The following ACSM1 variants were observed in gnomAD, a reference collection of about 807,000 sequenced individuals.
ACSM1 encodes acyl-CoA synthetase medium chain family member 1.
A neutral mutation model predicts 75.8 loss-of-function variants in ACSM1; 79 were observed. That is an observed-to-expected ratio of 1.04 (90% CI 0.87 to 1.26). ACSM1 has a LOEUF of 1.26. ACSM1 is among the 50% of genes most tolerant of loss of function. ACSM1 has a pLI of 0.00. For synonymous variants in ACSM1, 279 were observed against 265.8 expected (o/e 1.05, Z -0.48); for missense variants, 676 against 720.1 (o/e 0.94, Z 0.70).
In ACSM1 at chr16:20,627,301, T is replaced by G; in HGVS notation, c.1315A>C (p.Thr439Pro). ...AAGTCCCCACATTCCACTTTAGCTG[T>G]CTTCTCTGGGTCACCCTGCAAAAAG... ...FMCYEGDPEK[T>P]AKVECGDFYN... Residue 439 changes from threonine to proline, a missense_variant, in exon 11 of 14, where the codon ACA (threonine) becomes CCA (proline). Coordinates refer to ENST00000520010, the MANE Select transcript of ACSM1 (RefSeq NM_001318890.3). 1 of 1,578,086 alleles carries G rather than the reference T, an allele frequency of 6.3e-7. No homozygotes were observed. Among genetic ancestry groups the G allele is most frequent in the Non-Finnish European group, 8.6e-7 (1 of 1,165,140 alleles).
chr16:20,651,042 T>A (rs2018617842), intron 7 of ACSM1, among the ~76,000 whole-genome samples: 1 of 152,230 alleles, frequency 6.6e-6, no homozygotes, highest in South Asian at 2.1e-4. Flanking sequence ...TGCATGTGTG[T>A]GCCTATTTAA....
intron 2 of ACSM1, among the ~76,000 whole-genome samples, chr16:20,688,656 GA>G (rs2079597417): frequency 6.6e-6 from 1 of 151,936 alleles, no homozygotes; most frequent in Non-Finnish European, 1.5e-5. Context: ...AGCCAACCAA[GA>G]ATTTTACATC....
intron 7 of ACSM1, among the ~76,000 whole-genome samples, chr16:20,654,628 C>T (rs1204515982): frequency 6.6e-6 from 1 of 152,174 alleles, no homozygotes. Context: ...GACATTTATG[C>T]AGCCAACAGA....
In ACSM1 at chr16:20,660,336, G is replaced by T. The variant is rs549090295; in HGVS notation, c.992+1458C>A. On this transcript the variant is annotated intron_variant, in intron 7 of 13. Coordinates refer to ENST00000520010, the MANE Select transcript of ACSM1 (RefSeq NM_001318890.3). ...TGCATCTAGCATGAGGCTCAGCCCA[G>T]CCAGCTCTTGGTGATGAGGAAAGTG... Among the ~76,000 whole-genome samples the T allele has an allele frequency of 3.3e-5, 5 of 152,308 alleles. No homozygotes were observed. In the South Asian group the frequency reaches 1.0e-3, roughly 32 times the overall value.
chr16:20,695,735 G>A (rs1213505811), intron 1 of ACSM1, among the ~76,000 whole-genome samples: 2 of 151,790 alleles, frequency 1.3e-5, no homozygotes, highest in Non-Finnish European at 2.9e-5. Flanking sequence ...TCCAAGTGTT[G>A]AGGACTGAAA....
At chr16:20,636,997 C>A in intron 9 of ACSM1, 157 bp from the exon 10 acceptor site, 1 of 681,406 alleles carries the variant, frequency 1.5e-6, no homozygotes, top group Non-Finnish European at 2.6e-6. Flanking sequence ...CTTTAAAATA[C>A]GCAAATGTGA....
intron 7 of ACSM1, among the ~76,000 whole-genome samples, chr16:20,652,224 G>A (rs2018684892): frequency 6.6e-6 from 1 of 152,024 alleles, no homozygotes; most frequent in African/African-American, 2.4e-5. Flanking sequence ...ATAAATGCTT[G>A]TAAACACACT....
rs753211361 is a variant in ACSM1, at chr16:20,685,364, TCA to T, written c.230_231del (p.Val77GlufsTer6). The T allele has an allele frequency of 3.2e-4, 510 of 1,614,174 alleles. 1 individual carries two copies. Among genetic ancestry groups the T allele is most frequent in the Admixed American group, 2.7e-3 (164 of 60,020 alleles). On this transcript the variant is annotated frameshift_variant, in exon 3 of 14. Coordinates refer to ENST00000520010, the MANE Select transcript of ACSM1 (RefSeq NM_001318890.3). LOFTEE classifies it high-confidence loss of function. ...KRGPNPAFWW[V>X]NGQGDEVKWS... ...CACTTTACTTCATCCCCTTGGCCATTCACCCACCAAAAAGCTGGATTTGGACC... is the reference window on the plus strand; with the variant it reads ...CACTTTACTTCATCCCCTTGGCCATTCCCACCAAAAAGCTGGATTTGGACC...
intron 6 of ACSM1, among the ~76,000 whole-genome samples, chr16:20,663,436 C>T (rs938842815): frequency 1.3e-5 from 2 of 152,064 alleles, no homozygotes; most frequent in African/African-American, 2.4e-5. Context: ...AGTGTTGGTC[C>T]CCTGGACCCA....
At chr16:20,675,436 AG>A (rs1365761933) in intron 4 of ACSM1, among the ~76,000 whole-genome samples, 5 of 152,122 alleles carry the variant, frequency 3.3e-5, no homozygotes, top group Non-Finnish European at 7.4e-5. Flanking sequence ...AGTCTGTGGC[AG>A]GGAAAGGCAC....
At chr16:20,659,595 A>T (rs1434081310) in intron 7 of ACSM1, among the ~76,000 whole-genome samples, 1 of 152,164 alleles carries the variant, frequency 6.6e-6, no homozygotes. Flanking sequence ...ACCCCAAAAC[A>T]TGTTTCTCCG....
In ACSM1 at chr16:20,623,354, G is replaced by C. The variant is rs1451138780; in HGVS notation, c.*132C>G. 7.0e-6 allele frequency: 5 copies of C among 718,570 alleles called. No homozygotes were observed. The Admixed American group carries it at 8.1e-5, about 12-fold the overall frequency. The allele number at this position is 718,570 out of a possible 1,614,324, so 44.5% of individuals were successfully genotyped here. On this transcript the variant is annotated 3_prime_UTR_variant, in exon 14 of 14. Coordinates refer to ENST00000520010, the MANE Select transcript of ACSM1 (RefSeq NM_001318890.3). ...TTAATTTAAAAGAAGGAAAACATTGGAATCATGGCACTCCTGATACTTTCC... is the reference window on the plus strand; with the variant it reads ...TTAATTTAAAAGAAGGAAAACATTGCAATCATGGCACTCCTGATACTTTCC...
chr16:20,669,441 A>AACAC (rs71149170), intron 6 of ACSM1, among the ~76,000 whole-genome samples: 5,997 of 141,266 alleles, frequency 0.042, 239 homozygotes, highest in African/African-American at 0.1. Flanking sequence ...TGAGTAAGAA[A>AACAC]ACACACACAC....
At chr16:20,624,254 C>A (rs1382245251) in intron 12 of ACSM1, 39 bp from the exon 13 acceptor site, 3 of 1,569,912 alleles carry the variant, frequency 1.9e-6, no homozygotes, top group African/African-American at 2.7e-5. Flanking sequence ...GAGTGCCAAC[C>A]TACTCCATAG....
intron 4 of ACSM1, chr16:20,681,953 TA>T: frequency 3.9e-6 from 1 of 254,532 alleles, no homozygotes; most frequent in Non-Finnish European, 7.8e-6. Context: ...ACTCAAGTTG[TA>T]AAACATGTTT....
At chr16:20,686,214 AT>A (rs946746898) in intron 2 of ACSM1, among the ~76,000 whole-genome samples, 14 of 151,764 alleles carry the variant, frequency 9.2e-5, no homozygotes, top group African/African-American at 3.2e-4. Flanking sequence ...TTTGAAAAAA[AT>A]TTTTTTAATT....
intron 2 of ACSM1, among the ~76,000 whole-genome samples, chr16:20,686,978 ATTT>A (rs34041438): frequency 0.13 from 16,991 of 135,916 alleles, 1,047 homozygotes; most frequent in South Asian, 0.22. Context: ...AAATTTTGTG[ATTT>A]TTTTTTTTTT....
chr16:20,689,008 A>G (rs1309416138), intron 2 of ACSM1, among the ~76,000 whole-genome samples: 1 of 148,614 alleles, frequency 6.7e-6, no homozygotes, highest in Non-Finnish European at 1.5e-5. Context: ...TTATATATTA[A>G]TATATGTTAA....
chr16:20,642,650 G>A (rs1048658613), intron 7 of ACSM1, among the ~76,000 whole-genome samples: 3 of 152,190 alleles, frequency 2.0e-5, no homozygotes, highest in African/African-American at 7.2e-5. Context: ...TCCAAGCCTT[G>A]ACTCCTTGGC....
Sources: allele counts gnomAD v4.1 joint callset (sites outside exome capture counted in the v4.1 genomes callset), GRCh38; gene constraint gnomAD v4.1.1; transcripts MANE v1.5; gene names NCBI Gene and HGNC (gene_info 2026-07-23, HGNC 2026-07-21).